Variants in ATOSA observed in about 807,000 individuals in gnomAD.
ATOSA encodes atos homolog A.
chr15:52,592,560 C>G, the ATOSA span, among the ~76,000 whole-genome samples: 1 of 152,178 alleles, frequency 6.6e-6, no homozygotes, highest in African/African-American at 2.4e-5. Flanking sequence ...AACACTATAA[C>G]TCAGAGGTGT....
chr15:52,596,013 C>T, the ATOSA span, among the ~76,000 whole-genome samples: 154 of 152,120 alleles, frequency 1.0e-3, no homozygotes, highest in African/African-American at 3.6e-3. Flanking sequence ...ACTTGGGAGG[C>T]TGAGGTGGGA....
chr15:52,607,929 G>A, the ATOSA span, among the ~76,000 whole-genome samples: 1 of 152,166 alleles, frequency 6.6e-6, no homozygotes, highest in Non-Finnish European at 1.5e-5. Flanking sequence ...TGCCCACACT[G>A]GAATGCAGTG....
chr15:52,610,420 A>G, the ATOSA span: 2 of 1,550,920 alleles, frequency 1.3e-6, no homozygotes, highest in South Asian at 2.5e-5. Context: ...TTATTGGATT[A>G]TAAAGGTTAG....
the ATOSA span, among the ~76,000 whole-genome samples, chr15:52,628,427 G>T: frequency 6.6e-6 from 1 of 152,084 alleles, no homozygotes; most frequent in Non-Finnish European, 1.5e-5. Flanking sequence ...CAGAACTCAG[G>T]CCACACTGAT....
the ATOSA span, chr15:52,648,725 C>T: frequency 6.6e-6 from 1 of 152,224 alleles, no homozygotes; most frequent in Admixed American, 6.5e-5. Context: ...CAGCATCCCT[C>T]TCATATGACA....
chr15:52,684,543 C>A, the ATOSA span, among the ~76,000 whole-genome samples: 1 of 152,220 alleles, frequency 6.6e-6, no homozygotes, highest in Admixed American at 6.5e-5. Context: ...TTACTAAAGA[C>A]AAACAAATAA....
chr15:52,626,267 C>T, the ATOSA span, among the ~76,000 whole-genome samples: 1 of 152,104 alleles, frequency 6.6e-6, no homozygotes, highest in Non-Finnish European at 1.5e-5. Context: ...CATGTCTCTC[C>T]TTTTTAAAGC....
chr15:52,641,152 T>A, the ATOSA span, among the ~76,000 whole-genome samples: 12 of 152,356 alleles, frequency 7.9e-5, no homozygotes, highest in South Asian at 2.1e-3. Context: ...GCTTACATAT[T>A]TCTAGTCAAT....
the ATOSA span, among the ~76,000 whole-genome samples, chr15:52,595,909 C>T: frequency 1.3e-5 from 2 of 151,514 alleles, no homozygotes; most frequent in African/African-American, 2.4e-5. Flanking sequence ...CAGGAGTTTA[C>T]GAAAAGCCTG....
chr15:52,692,557 T>C, the ATOSA span, among the ~76,000 whole-genome samples: 1 of 152,204 alleles, frequency 6.6e-6, no homozygotes, highest in African/African-American at 2.4e-5. Flanking sequence ...TTTCACCATA[T>C]TGCCCAGGCT....
At chr15:52,668,523 T>C in the ATOSA span, among the ~76,000 whole-genome samples, 1 of 152,174 alleles carries the variant, frequency 6.6e-6, no homozygotes, top group Non-Finnish European at 1.5e-5. Context: ...CCTAAAGTAT[T>C]ATATATTATA....
chr15:52,675,232 C>G, the ATOSA span, among the ~76,000 whole-genome samples: 70 of 152,120 alleles, frequency 4.6e-4, no homozygotes, highest in African/African-American at 1.6e-3. Context: ...TCATGCTATA[C>G]CATAACATCT....
At chr15:52,612,868 G>A in the ATOSA span, among the ~76,000 whole-genome samples, 1 of 151,316 alleles carries the variant, frequency 6.6e-6, no homozygotes, top group East Asian at 1.9e-4. Context: ...ATAAGTGGGA[G>A]AAAAATTCTT....
the ATOSA span, chr15:52,587,101 T>C: frequency 3.7e-6 from 6 of 1,610,198 alleles, no homozygotes; most frequent in African/African-American, 6.7e-5. Flanking sequence ...CTAAGTTCTA[T>C]ATGTATGTGA....
the ATOSA span, among the ~76,000 whole-genome samples, chr15:52,596,440 C>T: frequency 6.6e-6 from 1 of 152,132 alleles, no homozygotes; most frequent in African/African-American, 2.4e-5. Context: ...CATCCATATG[C>T]GTAAAAGGGA....
At chr15:52,583,715 A>G in the ATOSA span, among the ~76,000 whole-genome samples, 1 of 152,242 alleles carries the variant, frequency 6.6e-6, no homozygotes, top group East Asian at 1.9e-4. Context: ...AAGTTTTCCA[A>G]GTCTGTTTTT....
At chr15:52,636,639 T>C in the ATOSA span, among the ~76,000 whole-genome samples, 1 of 152,230 alleles carries the variant, frequency 6.6e-6, no homozygotes, top group Non-Finnish European at 1.5e-5. Flanking sequence ...AGAACTATGA[T>C]AAAATAAATT....
At chr15:52,602,864 G>C in the ATOSA span, among the ~76,000 whole-genome samples, 1 of 152,144 alleles carries the variant, frequency 6.6e-6, no homozygotes, top group Non-Finnish European at 1.5e-5. Context: ...CTGAACCCTA[G>C]TGCTATTTTA....
chr15:52,678,253 G>C, the ATOSA span: 1 of 610,448 alleles, frequency 1.6e-6, no homozygotes, highest in Non-Finnish European at 2.9e-6. Context: ...TCTGAAAAAA[G>C]CAAAACTCTC....
Sources: gnomAD v4.1 joint callset for allele counts (sites outside exome capture counted in the v4.1 genomes callset) on GRCh38, gnomAD v4.1.1 for gene constraint, MANE v1.5 for transcripts, NCBI Gene and HGNC (gene_info 2026-07-23, HGNC 2026-07-21) for gene names.